GRM1: variants seen among roughly 807,000 people sequenced by gnomAD.
The protein encoded by GRM1 is metabotropic glutamate receptor 1.
A neutral mutation model predicts 90.9 loss-of-function variants in GRM1; 33 were observed. The ratio of observed to expected loss-of-function variants is 0.36; its 90% CI spans 0.28 to 0.49. GRM1 has a LOEUF of 0.49. Among genes scored for constraint, GRM1 ranks in the 20% least tolerant of loss-of-function variants. GRM1 has a pLI of 0.99. For missense variants in GRM1, 1,190 were observed against 1,534.3 expected (o/e 0.78, Z 3.75); for synonymous variants, 700 against 613.2 (o/e 1.14, Z -2.09).
chr6:146,058,374 T>G (rs1775552811), intron 1 of GRM1, among the ~76,000 whole-genome samples: 2 of 152,150 alleles, frequency 1.3e-5, no homozygotes, highest in South Asian at 4.1e-4. Flanking sequence ...TAAACTTATG[T>G]TTACACTATA....
rs1790647086 is a variant in GRM1, at chr6:146,029,897, T to C, written c.380T>C (p.Leu127Pro). 1 of 1,614,032 alleles carries C rather than the reference T, an allele frequency of 6.2e-7. No individual in the cohort carries two copies. Among genetic ancestry groups the C allele is most frequent in the Admixed American group, 1.7e-5 (1 of 60,008 alleles). ...AGCATTGAGTTCATTAGGGACTCTC[T>C]GATTTCCATTCGAGATGAGAAGGAT... ...EQSIEFIRDS[L>P]ISIRDEKDGI... The change falls in exon 1 of 8, where the codon CTG (leucine) becomes CCG (proline). Residue 127 changes from leucine (L) to proline (P), a missense_variant. By Grantham distance (98) the Leu-to-Pro change is moderately conservative. Coordinates refer to ENST00000282753, the MANE Select transcript of GRM1 (RefSeq NM_001278064.2).
intron 1 of GRM1, among the ~76,000 whole-genome samples, chr6:146,076,505 T>C (rs1005835284): frequency 2.0e-5 from 3 of 152,110 alleles, no homozygotes; most frequent in South Asian, 2.1e-4. Context: ...TTTGAAGATA[T>C]AGCTCGAAGG....
At chr6:146,147,232 G>A (rs541773404) in intron 1 of GRM1, among the ~76,000 whole-genome samples, 1 of 152,282 alleles carries the variant, frequency 6.6e-6, no homozygotes, top group African/African-American at 2.4e-5. Flanking sequence ...AAAACTACTG[G>A]AGTCTGAAAC....
chr6:146,181,544 C>T (rs567352540), intron 2 of GRM1, among the ~76,000 whole-genome samples: 1 of 152,238 alleles, frequency 6.6e-6, no homozygotes, highest in South Asian at 2.1e-4. Context: ...TTTGAATATA[C>T]CTACAGCACT....
intron 2 of GRM1, among the ~76,000 whole-genome samples, chr6:146,208,787 T>G (rs976768521): frequency 2.6e-5 from 4 of 152,146 alleles, no homozygotes; most frequent in Admixed American, 2.0e-4. Context: ...TCATTTTGTG[T>G]TGCAATTTTG....
chr6:146,074,227 G>T (rs770436665), intron 1 of GRM1, among the ~76,000 whole-genome samples: 5 of 152,148 alleles, frequency 3.3e-5, no homozygotes, highest in Non-Finnish European at 7.3e-5. Flanking sequence ...CTAGCATGGG[G>T]TTGGAGTGGT....
intron 3 of GRM1, among the ~76,000 whole-genome samples, chr6:146,318,949 G>A (rs891678385): frequency 6.6e-6 from 1 of 152,068 alleles, no homozygotes; most frequent in Non-Finnish European, 1.5e-5. Context: ...TTTGTAGGTT[G>A]CCTGTTCACT....
intron 1 of GRM1, among the ~76,000 whole-genome samples, chr6:146,034,802 T>C (rs1383398297): frequency 1.3e-5 from 2 of 151,988 alleles, no homozygotes; most frequent in Non-Finnish European, 2.9e-5. Context: ...TGCAAATGTA[T>C]AAATGGCTAT....
At chr6:146,235,698 T>C (rs1380831126) in intron 2 of GRM1, among the ~76,000 whole-genome samples, 1 of 134,550 alleles carries the variant, frequency 7.4e-6, no homozygotes, top group Non-Finnish European at 1.5e-5. Flanking sequence ...TCATCTCTGT[T>C]ACCGTGTGTG....
chr6:146,426,685 C>A, intron 7 of GRM1: 1 of 944,556 alleles, frequency 1.1e-6, no homozygotes, highest in Non-Finnish European at 1.7e-6. Context: ...TTGCCCCTTG[C>A]TTTCTCTCTC....
chr6:146,257,743 C>T (rs994289073), intron 2 of GRM1, among the ~76,000 whole-genome samples: 3 of 152,040 alleles, frequency 2.0e-5, no homozygotes, highest in African/African-American at 7.2e-5. Flanking sequence ...CAAATTTCCC[C>T]TTTCATCTTT....
At chr6:146,224,191 T>G (rs1412903629) in intron 2 of GRM1, among the ~76,000 whole-genome samples, 1 of 152,120 alleles carries the variant, frequency 6.6e-6, no homozygotes, top group Non-Finnish European at 1.5e-5. Flanking sequence ...GATAAAACTT[T>G]CCCCAATTCT....
chr6:146,096,658 C>G (rs1352355891), intron 1 of GRM1, among the ~76,000 whole-genome samples: 1 of 152,116 alleles, frequency 6.6e-6, no homozygotes, highest in Non-Finnish European at 1.5e-5. Flanking sequence ...AGGCAGACAA[C>G]TGTTTTGTCT....
Position 146,399,370 on chromosome 6 carries a change from G to A in GRM1, c.2331G>A (p.Val777=). 3.1e-6 allele frequency: 5 copies of A among 1,614,106 alleles called. No individual in the cohort carries two copies. Among genetic ancestry groups the A allele is most frequent in the Non-Finnish European group, 4.2e-6 (5 of 1,180,020 alleles). The part of the protein sequence containing the change: ...CTYYAFKTRN[V]PANFNEAKYI... ...ACTATGCCTTCAAGACCCGCAACGT[G>A]CCCGCCAACTTCAACGAGGCCAAAT... The change falls in exon 7 of 8, where the codon GTG becomes GTA. Residue 777 remains valine, a synonymous_variant. Coordinates refer to ENST00000282753, the MANE Select transcript of GRM1 (RefSeq NM_001278064.2). This position sits in a 1 kb window ranked among gnomAD's most constrained non-coding sequence, Gnocchi z 5.4.
In GRM1 at chr6:146,173,127, CG is replaced by C. The variant is rs1778199770; in HGVS notation, c.950+13531del. On this transcript the variant is annotated intron_variant, in intron 2 of 7. Transcript: ENST00000282753. Reference sequence around the variant, plus strand: ...GATTTTGGCCTGATGCAGCAACTCACGCCTGTAATTCCAGCACTCTGGGAGC... The same window carrying C: ...GATTTTGGCCTGATGCAGCAACTCACCCTGTAATTCCAGCACTCTGGGAGC... Among the ~76,000 whole-genome samples the C allele has an allele frequency of 2.0e-5, 3 of 152,044 alleles. No individual in the cohort carries two copies. The South Asian group carries it at 6.2e-4, about 32-fold the overall frequency.
intron 5 of GRM1, among the ~76,000 whole-genome samples, chr6:146,377,805 A>G (rs1776164087): frequency 6.6e-6 from 1 of 152,172 alleles, no homozygotes; most frequent in African/African-American, 2.4e-5. Flanking sequence ...AGTGCTGTGC[A>G]TCCCAGCCAT....
At chr6:146,400,064 A>C (rs188456052) in intron 7 of GRM1, among the ~76,000 whole-genome samples, 1 of 152,360 alleles carries the variant, frequency 6.6e-6, no homozygotes, top group Admixed American at 6.5e-5. Flanking sequence ...GCTGGGTCAG[A>C]GAGGCAAGCA....
intron 5 of GRM1, among the ~76,000 whole-genome samples, chr6:146,362,821 C>T (rs776464549): frequency 2.0e-5 from 3 of 151,920 alleles, no homozygotes; most frequent in African/African-American, 4.8e-5. Flanking sequence ...TCAATTTTAG[C>T]TTCTTATATG....
chr6:146,422,800 G>A (rs928415294), intron 7 of GRM1, among the ~76,000 whole-genome samples: 1 of 152,138 alleles, frequency 6.6e-6, no homozygotes, highest in African/African-American at 2.4e-5. Context: ...AAGAGAGATA[G>A]GCTGTTATAT....
Sources: allele counts gnomAD v4.1 joint callset (sites outside exome capture counted in the v4.1 genomes callset), GRCh38; gene constraint gnomAD v4.1.1; non-coding constraint Gnocchi (gnomAD v3.1); transcripts MANE v1.5; gene names NCBI Gene and HGNC (gene_info 2026-07-23, HGNC 2026-07-21).